Variants in INSR observed in about 807,000 individuals in gnomAD.
INSR encodes IR.
A neutral mutation model predicts 142.6 loss-of-function variants in INSR; 67 were observed. The observed-to-expected ratio is 0.47, with a 90% confidence interval of 0.39 to 0.58. INSR has a LOEUF of 0.58. Among genes scored for constraint, INSR ranks in the 20% least tolerant of loss-of-function variants. INSR has a pLI of 0.00. For synonymous variants in INSR, 756 were observed against 743.1 expected (o/e 1.02, Z -0.28); for missense variants, 1,248 against 1,833.2 (o/e 0.68, Z 5.83).
At chr19:7,210,682 A>G (rs921206018) in intron 2 of INSR, among the ~76,000 whole-genome samples, 2 of 152,086 alleles carry the variant, frequency 1.3e-5, no homozygotes, top group African/African-American at 2.4e-5. Flanking sequence ...CGTCTTCAAG[A>G]TAAGTTATAT....
chr19:7,132,615 G>C, intron 13 of INSR, among the ~76,000 whole-genome samples: 1 of 142,432 alleles, frequency 7.0e-6, no homozygotes, highest in African/African-American at 2.6e-5. Context: ...TTTCCAGACG[G>C]AGTTTCACTC....
At chr19:7,227,376 A>G (rs1304017503) in intron 2 of INSR, among the ~76,000 whole-genome samples, 1 of 151,946 alleles carries the variant, frequency 6.6e-6, no homozygotes, top group Non-Finnish European at 1.5e-5. Flanking sequence ...GAGCTCAAGC[A>G]ATCCTCTCAA....
chr19:7,267,947 G>T lies in INSR; in HGVS notation c.101-51C>A, dbSNP rs371794735. 1.4e-6 allele frequency: 2 copies of T among 1,475,854 alleles called. No individual in the cohort carries two copies. The highest frequency in any genetic ancestry group is 2.4e-5 in the South Asian group (2 of 85,054). 91.4% of individuals were successfully genotyped at this position (1,475,854 alleles called of 1,614,324 possible). A position where few individuals can be genotyped will look rare whatever the true frequency, so the allele number is the denominator to read the frequency against. ...AAGACAGGTGAGCAGACGCACGGTG[G>T]ATGCATCAGAAGGATCAGGGGCAGA... is the stretch of plus-strand genomic sequence containing the variant. On this transcript the variant is annotated intron_variant, in intron 1 of 21. Transcript: ENST00000302850. The surrounding 1 kb of genome is among the most constrained non-coding windows in gnomAD (Gnocchi z 6.3).
intron 16 of INSR, among the ~76,000 whole-genome samples, chr19:7,126,249 A>T (rs1166516633): frequency 6.6e-6 from 1 of 152,134 alleles, no homozygotes; most frequent in African/African-American, 2.4e-5. Context: ...AAGACTACCG[A>T]GTGCTAGCTG....
intron 2 of INSR, among the ~76,000 whole-genome samples, chr19:7,191,869 A>G (rs533583051): frequency 7.3e-6 from 1 of 137,858 alleles, no homozygotes; most frequent in African/African-American, 2.7e-5. Flanking sequence ...GAGTGAAAGA[A>G]GGAGGGAAGG....
intron 2 of INSR, among the ~76,000 whole-genome samples, chr19:7,254,320 T>A (rs4371268): frequency 0.38 from 57,263 of 151,690 alleles, 11,575 homozygotes; most frequent in East Asian, 0.53. Flanking sequence ...ATTTGTGAGC[T>A]GCCTGGGAAA....
At position 7,119,827 on chromosome 19, in the gene INSR, CAA is replaced by C. The variant is rs1210340518; in HGVS notation, c.3660-246_3660-245del. On this transcript the variant is annotated intron_variant, in intron 20 of 21. Transcript: ENST00000302850. The surrounding 1 kb of genome is among the most constrained non-coding windows in gnomAD (Gnocchi z 5.2). ...AAACACACAAACACATATACACACA[CAA>C]ACACACACACCCAAACACACACACG... 2.8e-4 allele frequency among the ~76,000 whole-genome samples: 12 copies of C among 42,648 alleles called. No homozygotes were observed. The highest frequency in any genetic ancestry group is 1.3e-3 in the Admixed American group (4 of 3,070). 28.0% of individuals were successfully genotyped at this position (42,648 alleles called of 152,430 possible).
intron 1 of INSR, among the ~76,000 whole-genome samples, chr19:7,269,797 G>A (rs1288799232): frequency 6.6e-6 from 1 of 152,196 alleles, no homozygotes; most frequent in African/African-American, 2.4e-5. Flanking sequence ...CCAGTGACTG[G>A]CAGGGTTGCC....
chr19:7,157,587 G>T (rs1300037712), intron 9 of INSR, among the ~76,000 whole-genome samples: 1 of 152,048 alleles, frequency 6.6e-6, no homozygotes, highest in Non-Finnish European at 1.5e-5. Flanking sequence ...ACCGCAGCTG[G>T]TCATGTCTTA....
intron 1 of INSR, among the ~76,000 whole-genome samples, chr19:7,281,755 G>T (rs1384495868): frequency 6.6e-6 from 1 of 152,114 alleles, no homozygotes; most frequent in East Asian, 1.9e-4. Flanking sequence ...GTCCCTTCCT[G>T]TCTGACTACT....
Position 7,216,709 on chromosome 19 carries a change from G to A in INSR, c.653-32072C>T, listed in dbSNP as rs1357254231. On this transcript the variant is annotated intron_variant, in intron 2 of 21. Transcript: ENST00000302850. The surrounding 1 kb of genome is among the most constrained non-coding windows in gnomAD (Gnocchi z 4.2). ...TCTGACTCCTGTTGGCCCCTGGCTAGAGACCCGCCCAGAGGGGGTTTCCAG... is the reference window on the plus strand; with the variant it reads ...TCTGACTCCTGTTGGCCCCTGGCTAAAGACCCGCCCAGAGGGGGTTTCCAG... 6.6e-6 allele frequency among the ~76,000 whole-genome samples: 1 copy of A among 152,230 alleles called. No individual in the cohort carries two copies. The highest frequency in any genetic ancestry group is 1.5e-5 in the Non-Finnish European group (1 of 68,046).
At chr19:7,291,596 C>A (rs1179229039) in intron 1 of INSR, among the ~76,000 whole-genome samples, 1 of 152,104 alleles carries the variant, frequency 6.6e-6, no homozygotes, top group African/African-American at 2.4e-5. Context: ...AGAAATGCAA[C>A]GGTGAACAAC....
At chr19:7,288,990 AAGGAAACACTG>A (rs1968418681) in intron 1 of INSR, among the ~76,000 whole-genome samples, 1 of 151,614 alleles carries the variant, frequency 6.6e-6, no homozygotes, top group Admixed American at 6.6e-5. Flanking sequence ...GAGAAGATTA[AAGGAAACACTG>A]ACCCTCTGGG....
At chr19:7,223,144 CT>C (rs2145104555) in intron 2 of INSR, among the ~76,000 whole-genome samples, 1 of 152,306 alleles carries the variant, frequency 6.6e-6, no homozygotes, top group African/African-American at 2.4e-5. Flanking sequence ...GACTGCGCCA[CT>C]GCACTCCAGC....
chr19:7,145,614 A>G (rs1490197674), intron 11 of INSR, among the ~76,000 whole-genome samples: 1 of 152,228 alleles, frequency 6.6e-6, no homozygotes, highest in African/African-American at 2.4e-5. Context: ...CTACTCTGTC[A>G]TTGTAGCTTA....
At chr19:7,157,843 G>A (rs1468008938) in intron 9 of INSR, among the ~76,000 whole-genome samples, 1 of 151,712 alleles carries the variant, frequency 6.6e-6, no homozygotes, top group Non-Finnish European at 1.5e-5. Context: ...CGTGTATCAA[G>A]TACCTTCCTG....
At chr19:7,158,292 A>G (rs1040070197) in intron 9 of INSR, among the ~76,000 whole-genome samples, 7 of 151,962 alleles carry the variant, frequency 4.6e-5, no homozygotes, top group Non-Finnish European at 1.0e-4. Flanking sequence ...CGAGGTCAGG[A>G]GATCGAGACC....
chr19:7,114,701 C>T lies in INSR; in HGVS notation c.*2355G>A, dbSNP rs563078581. On this transcript the variant is annotated 3_prime_UTR_variant, in exon 22 of 22. Transcript: ENST00000302850. The stretch of plus-strand genomic sequence containing the variant: ...AAAGAAAATCACTATCCCCCATTCA[C>T]CTGTTTATTTTTCTTTGATAAAAAT... 6.6e-5 allele frequency: 10 copies of T among 152,658 alleles called. No homozygotes were observed. The East Asian group carries it at 1.9e-3, about 29-fold the overall frequency. The allele number at this position is 152,658 out of a possible 1,614,324, so 9.5% of individuals were successfully genotyped here.
In INSR at chr19:7,216,999, C is replaced by CTTT. The variant is rs911015165; in HGVS notation, c.653-32365_653-32363dup. Among the ~76,000 whole-genome samples the CTTT allele has an allele frequency of 6.0e-5, 1 of 16,780 alleles. No homozygotes were observed. The highest frequency in any genetic ancestry group is 1.3e-3 in the East Asian group (1 of 752). 11.0% of individuals were successfully genotyped at this position (16,780 alleles called of 152,430 possible). ...GCTAATTTTTCTTCTTCTTCTTCTTCTTTTTTTTTTTTTTGTAGAGATGGG... is the reference window on the plus strand; with the variant it reads ...GCTAATTTTTCTTCTTCTTCTTCTTCTTTTTTTTTTTTTTTTTGTAGAGATGGG... On this transcript the variant is annotated intron_variant, in intron 2 of 21. Transcript: ENST00000302850. This position sits in a 1 kb window ranked among gnomAD's most constrained non-coding sequence, Gnocchi z 4.2.
Sources: gnomAD v4.1 joint callset for allele counts (sites outside exome capture counted in the v4.1 genomes callset) on GRCh38, gnomAD v4.1.1 for gene constraint, Gnocchi (gnomAD v3.1) non-coding constraint, MANE v1.5 for transcripts, NCBI Gene and HGNC (gene_info 2026-07-23, HGNC 2026-07-21) for gene names.